The following ABCA5 variants were observed in gnomAD, a reference collection of about 807,000 sequenced individuals.
The protein encoded by ABCA5 is ATP binding cassette subfamily A member 5, also known as cholesterol transporter ABCA5.
In ABCA5, 163 loss-of-function variants were observed where a neutral mutation model predicts 206.0. The ratio of observed to expected loss-of-function variants is 0.79; its 90% CI spans 0.70 to 0.90. The LOEUF (loss-of-function observed/expected upper bound fraction) is 0.90, where lower values mean the gene tolerates loss of function less well. ABCA5 is among the 40% of genes least tolerant of loss of function. The pLI, the probability that ABCA5 is intolerant of heterozygous loss-of-function variation, is 0.00. For synonymous variants in ABCA5, 609 were observed against 613.8 expected, an observed-to-expected ratio of 0.99 and a Z score of 0.11; for missense variants, 1,859 against 1,912.9, an observed-to-expected ratio of 0.97 and a Z score of 0.53.
At chr17:69,258,519 T>C in intron 28 of ABCA5, among the ~76,000 whole-genome samples, 1 of 151,920 alleles carries the variant, frequency 6.6e-6, no homozygotes, top group East Asian at 1.9e-4. Flanking sequence ...CACATGAACA[T>C]AAACATGGAA....
intron 1 of ABCA5, among the ~76,000 whole-genome samples, chr17:69,321,546 C>T (rs1002990197): frequency 6.6e-6 from 1 of 152,144 alleles, no homozygotes; most frequent in Non-Finnish European, 1.5e-5. Flanking sequence ...TAAAAAGATG[C>T]ATGGCCTGCC....
At chr17:69,324,956 T>C (rs1236858055) in intron 1 of ABCA5, among the ~76,000 whole-genome samples, 1 of 152,036 alleles carries the variant, frequency 6.6e-6, no homozygotes, top group Non-Finnish European at 1.5e-5. Context: ...CCTTTTAGCT[T>C]AAAAAGGGAT....
chr17:69,294,624 C>T (rs1297374640), intron 11 of ABCA5, 31 bp downstream of exon 11: 2 of 1,547,864 alleles, frequency 1.3e-6, no homozygotes, highest in South Asian at 1.1e-5. Flanking sequence ...ACTTTAAATA[C>T]TATGGCCTGA....
chr17:69,296,698 C>T (rs1291083599), intron 10 of ABCA5, among the ~76,000 whole-genome samples: 2 of 152,228 alleles, frequency 1.3e-5, no homozygotes, highest in Non-Finnish European at 2.9e-5. Flanking sequence ...GGTGTGGTGG[C>T]TTACGCCTGT....
In ABCA5 at chr17:69,255,738, T is replaced by C; in HGVS notation, c.3971A>G (p.Lys1324Arg). 1 of 1,583,604 alleles carries C rather than the reference T, an allele frequency of 6.3e-7. No individual in the cohort carries two copies. Among genetic ancestry groups the C allele is most frequent in the Non-Finnish European group, 8.5e-7 (1 of 1,172,014 alleles). ...AGGAAAAATTAAATACCAGCCTTTTTTCACACAGAAAGAGATGTATTTAGT... is the reference window on the plus strand; with the variant it reads ...AGGAAAAATTAAATACCAGCCTTTTCTCACACAGAAAGAGATGTATTTAGT... Reference protein sequence around the residue: ...VATKYISFCVKKGEILGLLGP... With the variant: ...VATKYISFCVRKGEILGLLGP... The change falls in exon 30 of 39, where the codon AAA becomes AGA. Residue 1324 changes from lysine (K) to arginine (R), a missense_variant. Coordinates refer to ENST00000392676, the MANE Select transcript of ABCA5 (RefSeq NM_172232.4).
intron 3 of ABCA5, among the ~76,000 whole-genome samples, chr17:69,309,961 TTA>T (rs2075754494): frequency 6.6e-6 from 1 of 152,184 alleles, no homozygotes. Context: ...AGTGTTATAC[TTA>T]TGTTATAAAT....
intron 15 of ABCA5, 36 bp from the exon 16 acceptor site, chr17:69,286,347 A>G: frequency 2.0e-6 from 3 of 1,530,130 alleles, no homozygotes; most frequent in Non-Finnish European, 2.7e-6. Flanking sequence ...TTTCTAAAGT[A>G]TCAACAGCAT....
chr17:69,252,729 T>C (rs1456218184), intron 34 of ABCA5, among the ~76,000 whole-genome samples: 3 of 150,628 alleles, frequency 2.0e-5, no homozygotes, highest in African/African-American at 7.4e-5. Context: ...CCCAGGTACT[T>C]GGAAGGCTGA....
rs2074961508 is a variant in ABCA5 at position 69,247,269 on chromosome 17, A to T, written c.*268T>A. ...TCCTTTAAATCACAAATTCAGAAGCACTGTTTCTGAATGGTGAAAAAGATG... is the reference window on the plus strand; with the variant it reads ...TCCTTTAAATCACAAATTCAGAAGCTCTGTTTCTGAATGGTGAAAAAGATG... On this transcript the variant is annotated 3_prime_UTR_variant, in exon 39 of 39. Transcript: ENST00000392676. 3 of 248,260 alleles carry T rather than the reference A, an allele frequency of 1.2e-5. No homozygotes were observed. Among genetic ancestry groups the T allele is most frequent in the African/African-American group, 4.5e-5 (2 of 44,692 alleles). The allele number at this position is 248,260 out of a possible 1,614,324, so 15.4% of individuals were successfully genotyped here. A position where few individuals can be genotyped will look rare whatever the true frequency, so the allele number is the denominator to read the frequency against.
rs777981058 is a variant in ABCA5, at chr17:69,313,229, T to G, written c.170A>C (p.Lys57Thr). 63 of 1,534,534 alleles carry G rather than the reference T, an allele frequency of 4.1e-5. No homozygotes were observed. The highest frequency in any genetic ancestry group is 5.4e-5 in the Non-Finnish European group (60 of 1,110,188). The change falls in exon 3 of 39, where the codon AAA becomes ACA. Residue 57 changes from lysine (K) to threonine (T), a missense_variant. By Grantham distance (78) the Lys-to-Thr change is moderately conservative (BLOSUM62 -1). Coordinates refer to ENST00000392676, the MANE Select transcript of ABCA5 (RefSeq NM_172232.4). ...ILISMMHPNK[K>T]YEEVPNIELN... The stretch of plus-strand genomic sequence containing the variant: ...TTCTATATTAGGCACTTCTTCATAT[T>G]TCTTATTTGGATGCATCATGCTAAT...
intron 19 of ABCA5, 121 bp downstream of exon 19, chr17:69,277,520 T>C (rs1230209061): frequency 1.2e-5 from 9 of 733,700 alleles, no homozygotes; most frequent in Admixed American, 3.8e-5. Flanking sequence ...ATTACAGTGG[T>C]AATCTTTCGA....
intron 6 of ABCA5, among the ~76,000 whole-genome samples, chr17:69,305,941 T>C (rs148494265): frequency 1.0e-3 from 158 of 152,302 alleles, no homozygotes; most frequent in African/African-American, 3.4e-3. Context: ...AAATATGTTA[T>C]ATACAATAAT....
chr17:69,308,773 C>T (rs530569671), intron 4 of ABCA5, among the ~76,000 whole-genome samples: 1 of 152,112 alleles, frequency 6.6e-6, no homozygotes, highest in East Asian at 1.9e-4. Context: ...GAAATAAAGT[C>T]ACAAATTCAG....
At chr17:69,271,591 T>C (rs2075274707) in intron 20 of ABCA5, among the ~76,000 whole-genome samples, 1 of 152,134 alleles carries the variant, frequency 6.6e-6, no homozygotes, top group South Asian at 2.1e-4. Flanking sequence ...AATGACTGAA[T>C]ATATACACAG....
chr17:69,267,921 A>G (rs376187603), intron 23 of ABCA5, 22 bp downstream of exon 23: 8 of 1,385,736 alleles, frequency 5.8e-6, no homozygotes, highest in Admixed American at 3.6e-5. Context: ...AGCAAATTAT[A>G]TATTTTTAAC....
chr17:69,248,460 G>A (rs954968127), intron 37 of ABCA5, 143 bp from the exon 38 acceptor site: 41 of 537,434 alleles, frequency 7.6e-5, no homozygotes, highest in Non-Finnish European at 1.2e-4. Context: ...TATTTTTCCC[G>A]CTTACTTCCT....
intron 37 of ABCA5, 168 bp from the exon 38 acceptor site, chr17:69,248,485 C>A (rs2074977577): frequency 4.0e-6 from 2 of 504,208 alleles, no homozygotes; most frequent in Non-Finnish European, 7.3e-6. Context: ...CTTCCCCACA[C>A]CTATAATTCC....
rs2074928238 is a variant in ABCA5, at chr17:69,244,412, G to T, written c.*3125C>A. On this transcript the variant is annotated 3_prime_UTR_variant, in exon 39 of 39. Coordinates refer to ENST00000392676, the MANE Select transcript of ABCA5 (RefSeq NM_172232.4). ...TTCACTTCAGTATACAAAATGACTT[G>T]TCTTAAATTTTCAACTCTTAAAGCT... The T allele has an allele frequency of 6.6e-6, 1 of 151,770 alleles. No homozygotes were observed. The highest frequency in any genetic ancestry group is 1.5e-5 in the Non-Finnish European group (1 of 67,894). 9.4% of individuals were successfully genotyped at this position (151,770 alleles called of 1,614,324 possible).
At chr17:69,254,890 A>G (rs1447347350) in intron 31 of ABCA5, among the ~76,000 whole-genome samples, 2 of 152,148 alleles carry the variant, frequency 1.3e-5, no homozygotes, top group Non-Finnish European at 2.9e-5. Flanking sequence ...GAGTTCAGAG[A>G]CTTGGTCAGA....
Sources: gnomAD v4.1 joint callset for allele counts (sites outside exome capture counted in the v4.1 genomes callset) on GRCh38, gnomAD v4.1.1 for gene constraint, MANE v1.5 for transcripts, NCBI Gene and HGNC (gene_info 2026-07-23, HGNC 2026-07-21) for gene names.